SLC5A12: variants seen among roughly 807,000 people sequenced by gnomAD.
SLC5A12 encodes the protein solute carrier family 5 member 12.
In SLC5A12, 46 loss-of-function variants were observed where a neutral mutation model predicts 72.7. The ratio of observed to expected loss-of-function variants is 0.63; its 90% confidence interval spans 0.50 to 0.81. The LOEUF (loss-of-function observed/expected upper bound fraction) is 0.81. Ranked by LOEUF, SLC5A12 falls within the 30% of genes least tolerant of loss-of-function variation. The probability of loss-of-function intolerance (pLI) is 0.00; values close to 1 mark genes in which losing one functional copy is unlikely to be tolerated. For synonymous variants in SLC5A12, 275 were observed against 264.4 expected (o/e 1.04, Z -0.39); for missense variants, 683 against 740.7 (o/e 0.92, Z 0.90).
At chr11:26,680,895 T>C (rs1279883048) in intron 12 of SLC5A12, among the ~76,000 whole-genome samples, 160 bp downstream of exon 12, 3 of 152,164 alleles carry the variant, frequency 2.0e-5, no homozygotes, top group Non-Finnish European at 4.4e-5. Context: ...TGCAGAAAGC[T>C]GCAGCCCTGC....
intron 14 of SLC5A12, among the ~76,000 whole-genome samples, 177 bp from the exon 15 acceptor site, chr11:26,671,428 A>C (rs902439081): frequency 1.3e-5 from 2 of 152,144 alleles, no homozygotes; most frequent in Non-Finnish European, 2.9e-5. Context: ...CACGTAAGGT[A>C]CTATTTCTAA....
intron 9 of SLC5A12, among the ~76,000 whole-genome samples, chr11:26,690,250 T>A (rs10835058): frequency 0.27 from 40,580 of 151,844 alleles, 5,832 homozygotes; most frequent in East Asian, 0.46. Context: ...TAGCCAAAAT[T>A]TTTTTGTAAA....
chr11:26,690,169 G>C (rs923476873), intron 9 of SLC5A12, among the ~76,000 whole-genome samples: 1 of 152,146 alleles, frequency 6.6e-6, no homozygotes, highest in Non-Finnish European at 1.5e-5. Context: ...ATGGGGAGTG[G>C]TGGTGGTGGG....
At chr11:26,705,242 A>G (rs1383722623) in intron 4 of SLC5A12, among the ~76,000 whole-genome samples, 1 of 152,012 alleles carries the variant, frequency 6.6e-6, no homozygotes, top group Admixed American at 6.6e-5. Flanking sequence ...GGGCAAGAAG[A>G]AGGAAGGAAA....
chr11:26,687,619 C>T (rs978863800), intron 9 of SLC5A12, among the ~76,000 whole-genome samples: 3 of 152,136 alleles, frequency 2.0e-5, no homozygotes, highest in Non-Finnish European at 2.9e-5. Flanking sequence ...GTGCCTGGCA[C>T]GCAGCAAGTA....
rs558578578 is a variant in SLC5A12 at position 26,687,962 on chromosome 11, G to A, written c.1154-1418C>T. Among the ~76,000 whole-genome samples, 4 of 152,350 alleles carry A rather than the reference G, an allele frequency of 2.6e-5. No individual in the cohort carries two copies. In the South Asian group the frequency reaches 8.3e-4, roughly 32 times the overall value. ...AAAAGGAGAGCCCTATAAGCCTGAA[G>A]AACAGAAGAAAGACATGTTTTTTCT... On this transcript the variant is annotated intron_variant, in intron 9 of 14. Transcript: ENST00000396005.
intron 6 of SLC5A12, among the ~76,000 whole-genome samples, chr11:26,702,815 T>C (rs1839824569): frequency 6.6e-6 from 1 of 152,170 alleles, no homozygotes; most frequent in Non-Finnish European, 1.5e-5. Flanking sequence ...TTTGCAAATA[T>C]AAATGAAGCT....
Position 26,683,817 on chromosome 11 carries a change from A to C in SLC5A12, c.1248T>G (p.Cys416Trp). 6.3e-7 allele frequency: 1 copy of C among 1,598,434 alleles called. No homozygotes were observed. Among genetic ancestry groups the C allele is most frequent in the South Asian group, 1.1e-5 (1 of 87,982 alleles). ...AGAATAAGCCCAGCATTGGTCCTCC[A>C]CACATGCCGTGAATGCTGAGGGAAG... ...VQASLSIHGMCGGPMLGLFSL... is the reference protein window; with the variant it reads ...VQASLSIHGMWGGPMLGLFSL... Residue 416 changes from cysteine (C) to tryptophan (W), a missense_variant, in exon 11 of 15, where the codon TGT (cysteine) becomes TGG (tryptophan). Transcript: ENST00000396005.
In SLC5A12 at chr11:26,696,396, G is replaced by C. The variant is rs539335377; in HGVS notation, c.1040+768C>G. 1.1e-4 allele frequency among the ~76,000 whole-genome samples: 17 copies of C among 152,296 alleles called. No individual in the cohort carries two copies. The South Asian group carries it at 3.5e-3, about 32-fold the overall frequency. On this transcript the variant is annotated intron_variant, in intron 8 of 14. Transcript: ENST00000396005. Reference sequence around the variant, plus strand: ...TGTCTGAGTGTGTTATTAAAGATGAGATCAATGGAATGCAAAGAATAGATG... The same window carrying C: ...TGTCTGAGTGTGTTATTAAAGATGACATCAATGGAATGCAAAGAATAGATG...
At chr11:26,709,527 T>C in intron 3 of SLC5A12, 148 bp from the exon 4 acceptor site, 2 of 600,242 alleles carry the variant, frequency 3.3e-6, no homozygotes, top group Non-Finnish European at 5.8e-6. Flanking sequence ...TTAAATTTTC[T>C]CACCTTCGAG....
chr11:26,674,470 G>A (rs1275073622), intron 13 of SLC5A12, among the ~76,000 whole-genome samples: 1 of 152,068 alleles, frequency 6.6e-6, no homozygotes. Flanking sequence ...CATGATCTCG[G>A]CTCAATGCAA....
chr11:26,720,112 T>A (rs1855443634), intron 1 of SLC5A12, among the ~76,000 whole-genome samples: 1 of 152,120 alleles, frequency 6.6e-6, no homozygotes, highest in South Asian at 2.1e-4. Context: ...ACAGTATATG[T>A]TTATTGACTG....
chr11:26,705,648 G>A (rs752255652), intron 4 of SLC5A12, among the ~76,000 whole-genome samples: 2 of 151,908 alleles, frequency 1.3e-5, no homozygotes, highest in Non-Finnish European at 1.5e-5. Context: ...TTTCTTACCT[G>A]TTACCTCCTA....
chr11:26,671,931 A>G (rs1205483819), intron 14 of SLC5A12, among the ~76,000 whole-genome samples: 1 of 152,156 alleles, frequency 6.6e-6, no homozygotes, highest in East Asian at 1.9e-4. Context: ...TCATCTGGGT[A>G]AACAGCCCTT....
At chr11:26,679,939 G>A (rs1854352388) in intron 12 of SLC5A12, among the ~76,000 whole-genome samples, 1 of 151,950 alleles carries the variant, frequency 6.6e-6, no homozygotes, top group Non-Finnish European at 1.5e-5. Flanking sequence ...TAGAAAAATG[G>A]AGGAAATAAA....
At chr11:26,684,668 C>T (rs1369465258) in intron 10 of SLC5A12, among the ~76,000 whole-genome samples, 2 of 152,104 alleles carry the variant, frequency 1.3e-5, no homozygotes, top group South Asian at 2.1e-4. Flanking sequence ...GCATCACTCA[C>T]GACTTCCTCC....
chr11:26,714,726 A>G (rs1855309470), intron 1 of SLC5A12, among the ~76,000 whole-genome samples: 1 of 152,156 alleles, frequency 6.6e-6, no homozygotes, highest in Non-Finnish European at 1.5e-5. Flanking sequence ...CCCTAGAAAC[A>G]TTAGATAAAT....
intron 8 of SLC5A12, 137 bp downstream of exon 8, chr11:26,697,027 T>A: frequency 1.4e-6 from 1 of 723,718 alleles, no homozygotes. Context: ...GTGTACCAAT[T>A]AATGAGCAAA....
At position 26,721,583 on chromosome 11, in the gene SLC5A12, C is replaced by G; in HGVS notation, c.132G>C (p.Gly44=). Residue 44 remains glycine (G), a synonymous_variant, in exon 1 of 15, where the codon GGG becomes GGC. Coordinates refer to ENST00000396005, the MANE Select transcript of SLC5A12 (RefSeq NM_178498.4). ...KKATSREFLV[G]GRQMSFGPVG... is the part of the protein sequence containing the mutation. ...CAGGGCCAAAGCTCATTTGCCTTCC[C>G]CCAACCAGGAACTCTCGGGAAGTTG... is the stretch of plus-strand genomic sequence containing the variant. The G allele has an allele frequency of 6.2e-7, 1 of 1,614,120 alleles. No individual in the cohort carries two copies. Among genetic ancestry groups the G allele is most frequent in the Non-Finnish European group, 8.5e-7 (1 of 1,180,026 alleles).
Sources: gnomAD v4.1 joint callset for allele counts (sites outside exome capture counted in the v4.1 genomes callset) on GRCh38, gnomAD v4.1.1 for gene constraint, MANE v1.5 for transcripts, NCBI Gene and HGNC (gene_info 2026-07-23, HGNC 2026-07-21) for gene names.